GRIK5: variants seen among roughly 807,000 people sequenced by gnomAD.
The protein encoded by GRIK5 is glutamate receptor ionotropic, kainate 5.
Under a neutral mutation model 97.4 loss-of-function variants are expected in GRIK5, and 43 were observed. The observed-to-expected ratio is 0.44, with a 90% CI of 0.35 to 0.57. GRIK5 has a LOEUF of 0.57. Among genes scored for constraint, GRIK5 ranks in the 20% least tolerant of loss-of-function variants. The pLI is 0.01. For synonymous variants in GRIK5, 580 were observed against 583.5 expected, an observed-to-expected ratio of 0.99 and a Z score of 0.09; for missense variants, 1,015 against 1,382.0, an observed-to-expected ratio of 0.73 and a Z score of 4.21.
Position 41,999,134 on chromosome 19 carries a change from C to T in GRIK5, c.2680G>A (p.Gly894Ser), listed in dbSNP as rs1444799654. 2.1e-6 allele frequency: 3 copies of T among 1,443,644 alleles called. No individual in the cohort carries two copies. Among genetic ancestry groups the T allele is most frequent in the African/African-American group, 1.5e-5 (1 of 67,130 alleles). 89.4% of individuals were successfully genotyped at this position (1,443,644 alleles called of 1,614,324 possible). The change falls in exon 20 of 20, where the codon GGC becomes AGC. Residue 894 changes from glycine (G) to serine (S), a missense_variant. By Grantham distance (56) the Gly-to-Ser change is moderately conservative. Coordinates refer to ENST00000593562, the MANE Select transcript of GRIK5 (RefSeq NM_002088.5). The surrounding 1 kb of genome is among the most constrained non-coding windows in gnomAD (Gnocchi z 5.0). ...GCGCTGCCCGCATCCCCGCCCGCGC[C>T]GGCCGAGTAGAGCTTGCCGTTGCTG... is the stretch of plus-strand genomic sequence containing the variant. ...RLSNGKLYSA[G>S]AGGDAGSAHG...
At chr19:42,032,295 G>A (rs1409095084) in intron 12 of GRIK5, among the ~76,000 whole-genome samples, 3 of 152,210 alleles carry the variant, frequency 2.0e-5, no homozygotes, top group Admixed American at 6.5e-5. Context: ...TTTGGCCTTT[G>A]AGATGGGCAA....
chr19:42,062,339 G>C lies in GRIK5; in HGVS notation c.508+149C>G. 2 of 699,902 alleles carry C rather than the reference G, an allele frequency of 2.9e-6. No homozygotes were observed. The highest frequency in any genetic ancestry group is 1.9e-5 in the South Asian group (1 of 53,046). The allele number at this position is 699,902 out of a possible 1,614,324, so 43.4% of individuals were successfully genotyped here. A position where few individuals can be genotyped will look rare whatever the true frequency, so the allele number is the denominator to read the frequency against. On this transcript the variant is annotated intron_variant, in intron 5 of 19. Coordinates refer to ENST00000593562, the MANE Select transcript of GRIK5 (RefSeq NM_002088.5). The surrounding 1 kb of genome is among the most constrained non-coding windows in gnomAD (Gnocchi z 5.3). Reference sequence around the variant, plus strand: ...AGAGAAGGGGTCTGTAGAACCAGAGGCCTCGGTTTCTGAAGATGGGAGAAG... The same window carrying C: ...AGAGAAGGGGTCTGTAGAACCAGAGCCCTCGGTTTCTGAAGATGGGAGAAG...
At chr19:42,015,697 G>C (rs1194969833) in intron 15 of GRIK5, among the ~76,000 whole-genome samples, 1 of 152,110 alleles carries the variant, frequency 6.6e-6, no homozygotes, top group Non-Finnish European at 1.5e-5. Flanking sequence ...GGTGACACAG[G>C]ACCGACCCGG....
At chr19:42,053,465 G>T in intron 11 of GRIK5, 137 bp downstream of exon 11, 1 of 624,990 alleles carries the variant, frequency 1.6e-6, no homozygotes, top group Non-Finnish European at 2.9e-6. Flanking sequence ...TCACAACCTG[G>T]AGTTGCTGCG....
At chr19:42,025,969 A>AATAT (rs1247123890) in intron 12 of GRIK5, among the ~76,000 whole-genome samples, 3 of 152,100 alleles carry the variant, frequency 2.0e-5, no homozygotes, top group African/African-American at 7.2e-5. Context: ...TAAATAAATA[A>AATAT]ATTCTGCAAT....
In GRIK5 at chr19:42,012,376, G is replaced by A. The variant is rs1040945169; in HGVS notation, c.1872-5566C>T. ...AGCAATTCTCCTGCCTCAGCCTCCC[G>A]AGTAGCTGGAACTACAGGCGCACAC... is the stretch of plus-strand genomic sequence containing the variant. On this transcript the variant is annotated intron_variant, in intron 15 of 19. Coordinates refer to ENST00000593562, the MANE Select transcript of GRIK5 (RefSeq NM_002088.5). Among the ~76,000 whole-genome samples, 3 of 152,068 alleles carry A rather than the reference G, an allele frequency of 2.0e-5. No individual in the cohort carries two copies. The East Asian group carries it at 5.8e-4, about 29-fold the overall frequency.
At chr19:42,005,683 C>T in intron 17 of GRIK5, 40 bp downstream of exon 17, 1 of 1,457,860 alleles carries the variant, frequency 6.9e-7, no homozygotes, top group Non-Finnish European at 9.6e-7. Context: ...GTTTTGGATG[C>T]CCACGGCCCT....
chr19:42,009,230 T>A (rs2075529547), intron 15 of GRIK5, among the ~76,000 whole-genome samples: 1 of 152,006 alleles, frequency 6.6e-6, no homozygotes, highest in South Asian at 2.1e-4. Flanking sequence ...ATCGTTATTT[T>A]TTTATTTTAT....
At chr19:42,050,161 C>A (rs2076094202) in intron 11 of GRIK5, among the ~76,000 whole-genome samples, 1 of 151,932 alleles carries the variant, frequency 6.6e-6, no homozygotes, top group Admixed American at 6.6e-5. Context: ...AACTCATGGG[C>A]CCAAGTGATC....
chr19:42,065,198 C>G lies in GRIK5; in HGVS notation c.244+25G>C, dbSNP rs747480692. Reference sequence around the variant, plus strand: ...GGGCCACCGACCTGCCCTGCCTCACCCCACGCCCCCATGGCCCCGCTCACT... The same window carrying G: ...GGGCCACCGACCTGCCCTGCCTCACGCCACGCCCCCATGGCCCCGCTCACT... On this transcript the variant is annotated intron_variant, in intron 3 of 19. Coordinates refer to ENST00000593562, the MANE Select transcript of GRIK5 (RefSeq NM_002088.5). This position sits in a 1 kb window ranked among gnomAD's most constrained non-coding sequence, Gnocchi z 5.8. 2 of 1,594,000 alleles carry G rather than the reference C, an allele frequency of 1.3e-6. No individual in the cohort carries two copies. The highest frequency in any genetic ancestry group is 2.2e-5 in the South Asian group (2 of 89,294).
At chr19:42,040,328 G>A (rs1466103930) in intron 12 of GRIK5, among the ~76,000 whole-genome samples, 4 of 152,174 alleles carry the variant, frequency 2.6e-5, no homozygotes, top group Non-Finnish European at 4.4e-5. Flanking sequence ...AGACTTCTCT[G>A]TTGGTGAAAA....
chr19:42,007,314 C>T (rs933226290), intron 15 of GRIK5, among the ~76,000 whole-genome samples: 40 of 152,012 alleles, frequency 2.6e-4, no homozygotes, highest in African/African-American at 8.2e-4. Flanking sequence ...AGGCTGGTCT[C>T]GAACTCCTGA....
intron 12 of GRIK5, among the ~76,000 whole-genome samples, chr19:42,037,811 T>G (rs1448656359): frequency 2.6e-5 from 4 of 152,140 alleles, no homozygotes; most frequent in Non-Finnish European, 5.9e-5. Flanking sequence ...AGTGGGTGCT[T>G]AAAGGCCTGG....
intron 15 of GRIK5, among the ~76,000 whole-genome samples, chr19:42,012,677 C>CT (rs1161724595): frequency 6.6e-6 from 1 of 151,970 alleles, no homozygotes; most frequent in Admixed American, 6.6e-5. Flanking sequence ...GGAATTGAGA[C>CT]TAGCCTGGGC....
At chr19:42,041,181 T>C (rs563813460) in intron 12 of GRIK5, among the ~76,000 whole-genome samples, 17 of 152,312 alleles carry the variant, frequency 1.1e-4, no homozygotes, top group East Asian at 1.9e-4. Context: ...TCCCTCGTGA[T>C]GTTCAGGGGG....
intron 8 of GRIK5, 67 bp downstream of exon 8, chr19:42,056,595 T>C (rs923526890): frequency 1.4e-6 from 2 of 1,447,686 alleles, no homozygotes; most frequent in African/African-American, 2.8e-5. Flanking sequence ...GAGTGAGGTC[T>C]GAAAGGGGGC....
chr19:42,029,550 C>G (rs2075815989), intron 12 of GRIK5, among the ~76,000 whole-genome samples: 1 of 152,120 alleles, frequency 6.6e-6, no homozygotes, highest in African/African-American at 2.4e-5. Flanking sequence ...TGCACTCCAG[C>G]CTGGGGGACA....
intron 12 of GRIK5, among the ~76,000 whole-genome samples, chr19:42,041,907 C>T (rs2075981996): frequency 6.6e-6 from 1 of 152,134 alleles, no homozygotes; most frequent in Non-Finnish European, 1.5e-5. Context: ...CCTCTGAGCT[C>T]CCCAATCACA....
intron 3 of GRIK5, among the ~76,000 whole-genome samples, chr19:42,064,344 A>T (rs771710031): frequency 1.3e-5 from 2 of 152,094 alleles, no homozygotes; most frequent in African/African-American, 4.8e-5. Context: ...ACCCTGTCAC[A>T]CTTAGCTCTG....
Sources: allele counts gnomAD v4.1 joint callset (sites outside exome capture counted in the v4.1 genomes callset), GRCh38; gene constraint gnomAD v4.1.1; non-coding constraint Gnocchi (gnomAD v3.1); transcripts MANE v1.5; gene names NCBI Gene and HGNC (gene_info 2026-07-23, HGNC 2026-07-21).